C8orf34: variants seen among roughly 807,000 people sequenced by gnomAD.
C8orf34 encodes the protein uncharacterized protein C8orf34.
In C8orf34, 65 loss-of-function variants were observed where a neutral mutation model predicts 68.3. The observed-to-expected ratio is 0.95, with a 90% CI of 0.78 to 1.17. The LOEUF is 1.17. Among genes scored for constraint, C8orf34 ranks in the 50% most tolerant of loss-of-function variants. The pLI, the probability that C8orf34 is intolerant of heterozygous loss-of-function variation, is 0.00. For missense variants in C8orf34, 664 were observed against 655.4 expected (o/e 1.01, Z -0.14); for synonymous variants, 244 against 241.2 (o/e 1.01, Z -0.11).
chr8:68,372,708 C>T (rs889595068), intron 1 of C8orf34, among the ~76,000 whole-genome samples: 8 of 152,134 alleles, frequency 5.3e-5, no homozygotes, highest in African/African-American at 1.2e-4. Context: ...CCCATCAACC[C>T]GTCATCTACA....
intron 1 of C8orf34, among the ~76,000 whole-genome samples, chr8:68,419,370 A>G (rs1276438424): frequency 6.7e-6 from 1 of 149,034 alleles, no homozygotes; most frequent in Non-Finnish European, 1.5e-5. Context: ...ACACTTTTAC[A>G]CTGTTGGTGG....
chr8:68,355,948 A>G (rs763750537), intron 1 of C8orf34, among the ~76,000 whole-genome samples: 4 of 152,146 alleles, frequency 2.6e-5, no homozygotes, highest in South Asian at 2.1e-4. Context: ...TTTTCTTCAC[A>G]TCATCATCTA....
chr8:68,577,713 G>A (rs115922362), intron 7 of C8orf34, among the ~76,000 whole-genome samples: 6 of 151,744 alleles, frequency 4.0e-5, no homozygotes, highest in Non-Finnish European at 8.8e-5. Context: ...TAACATATAA[G>A]TAAACCCCAC....
Position 68,371,622 on chromosome 8 carries a change from C to T in C8orf34, c.327+40283C>T, listed in dbSNP as rs1378131318. On this transcript the variant is annotated intron_variant, in intron 1 of 13. Coordinates refer to ENST00000518698, the MANE Select transcript of C8orf34 (RefSeq NM_052958.4). ...CTTTCTTTTTTTTTTTTTTTTGATA[C>T]GGAGTCTCGCTCTGTTGCCCTGGCT... Among the ~76,000 whole-genome samples, 14 of 145,202 alleles carry T rather than the reference C, an allele frequency of 9.6e-5. 1 individual carries two copies. In the South Asian group the frequency reaches 2.4e-3, roughly 25 times the overall value.
chr8:68,471,403 G>T (rs1053447718), intron 4 of C8orf34, among the ~76,000 whole-genome samples: 2 of 152,126 alleles, frequency 1.3e-5, no homozygotes, highest in Admixed American at 6.6e-5. Context: ...CAACATGCCT[G>T]CCCTGGTCAG....
chr8:68,572,925 C>T (rs1192636755), intron 7 of C8orf34, among the ~76,000 whole-genome samples: 1 of 152,082 alleles, frequency 6.6e-6, no homozygotes, highest in Non-Finnish European at 1.5e-5. Context: ...TGTCCTGAGG[C>T]ATCCCTCAAT....
chr8:68,642,602 C>T (rs1163116199), intron 8 of C8orf34, among the ~76,000 whole-genome samples: 2 of 152,140 alleles, frequency 1.3e-5, no homozygotes, highest in Non-Finnish European at 2.9e-5. Flanking sequence ...TTTCCTGAGC[C>T]ACAGTTCTCA....
intron 7 of C8orf34, among the ~76,000 whole-genome samples, chr8:68,541,768 G>A (rs1335402122): frequency 1.3e-5 from 2 of 152,066 alleles, no homozygotes; most frequent in African/African-American, 4.8e-5. Flanking sequence ...AAAGATCATG[G>A]CATAGAACTT....
chr8:68,430,967 T>C (rs1295989897), intron 1 of C8orf34, among the ~76,000 whole-genome samples: 1 of 152,140 alleles, frequency 6.6e-6, no homozygotes, highest in Non-Finnish European at 1.5e-5. Flanking sequence ...GCAGTTTTTC[T>C]ACTCCTTACC....
At chr8:68,400,207 G>C (rs1184122507) in intron 1 of C8orf34, among the ~76,000 whole-genome samples, 1 of 152,064 alleles carries the variant, frequency 6.6e-6, no homozygotes, top group Admixed American at 6.6e-5. Context: ...TTTGTTGCCT[G>C]TGCTTTTGAG....
intron 1 of C8orf34, among the ~76,000 whole-genome samples, chr8:68,389,523 C>T (rs1808395205): frequency 6.6e-6 from 1 of 152,126 alleles, no homozygotes; most frequent in South Asian, 2.1e-4. Flanking sequence ...ACATTTTAAG[C>T]ACCTACAACA....
chr8:68,671,436 G>C (rs1306963488), intron 8 of C8orf34, among the ~76,000 whole-genome samples: 1 of 152,080 alleles, frequency 6.6e-6, no homozygotes, highest in East Asian at 1.9e-4. Context: ...TACTTTAATG[G>C]CATGTTAGAG....
intron 1 of C8orf34, among the ~76,000 whole-genome samples, chr8:68,418,157 T>G (rs1809762901): frequency 6.8e-6 from 1 of 146,520 alleles, no homozygotes; most frequent in Non-Finnish European, 1.5e-5. Flanking sequence ...ATCCTGAGAC[T>G]TTGCTGAAGT....
At chr8:68,799,944 T>C (rs1265279847) in intron 12 of C8orf34, among the ~76,000 whole-genome samples, 1 of 152,110 alleles carries the variant, frequency 6.6e-6, no homozygotes, top group African/African-American at 2.4e-5. Flanking sequence ...AACCACAGCA[T>C]GGGCAAGGAC....
At chr8:68,338,450 G>A (rs560589335) in intron 1 of C8orf34, among the ~76,000 whole-genome samples, 1 of 152,194 alleles carries the variant, frequency 6.6e-6, no homozygotes, top group South Asian at 2.1e-4. Context: ...AAGCCTGTTT[G>A]TAACTCCTCT....
intron 7 of C8orf34, among the ~76,000 whole-genome samples, chr8:68,627,247 T>G (rs1818563510): frequency 6.6e-6 from 1 of 152,138 alleles, no homozygotes; most frequent in African/African-American, 2.4e-5. Context: ...GTTGTATTCC[T>G]GAACCCTTCT....
chr8:68,620,069 T>C (rs1404804096), intron 7 of C8orf34, among the ~76,000 whole-genome samples: 1 of 152,126 alleles, frequency 6.6e-6, no homozygotes, highest in Admixed American at 6.5e-5. Context: ...TCTTGGGCCA[T>C]TGATTTCCAT....
At chr8:68,448,525 G>A (rs1280068329) in intron 3 of C8orf34, among the ~76,000 whole-genome samples, 1 of 152,028 alleles carries the variant, frequency 6.6e-6, no homozygotes, top group Non-Finnish European at 1.5e-5. Context: ...GCATCACTAA[G>A]AACTAGCACA....
At chr8:68,679,499 C>T (rs1327443186) in intron 8 of C8orf34, among the ~76,000 whole-genome samples, 1 of 151,976 alleles carries the variant, frequency 6.6e-6, no homozygotes, top group East Asian at 1.9e-4. Flanking sequence ...CCATTCTACC[C>T]AAGGCAATCT....
Sources: gnomAD v4.1 joint callset for allele counts (sites outside exome capture counted in the v4.1 genomes callset) on GRCh38, gnomAD v4.1.1 for gene constraint, MANE v1.5 for transcripts, NCBI Gene and HGNC (gene_info 2026-07-23, HGNC 2026-07-21) for gene names.